Variants in BMS1 observed in about 807,000 individuals in gnomAD.
The protein encoded by BMS1 is BMS1 ribosome biogenesis factor.
BMS1 carries 53 observed loss-of-function variants against 138.7 expected under a neutral mutation model. The observed-to-expected ratio is 0.38, with a 90% CI of 0.31 to 0.48. The LOEUF (loss-of-function observed/expected upper bound fraction) is 0.48, where lower values mean the gene tolerates loss of function less well. Among genes scored for constraint, BMS1 ranks in the 20% least tolerant of loss-of-function variants. The pLI is 0.97. For missense variants in BMS1, 1,360 were observed against 1,565.5 expected (o/e 0.87, Z 2.22); for synonymous variants, 504 against 539.9 (o/e 0.93, Z 0.92).
At position 42,798,521 on chromosome 10, in the gene BMS1, T is replaced by C; in HGVS notation, c.2143T>C (p.Leu715=). ...TGATACTCTAGAAGAGCTTGGAGGG[T>C]TGTTTCGTGTCAACCAGCCTGACAG... is the stretch of plus-strand genomic sequence containing the variant. ...DDDTLEELGG[L]FRVNQPDREC... Residue 715 remains leucine (L), a synonymous_variant, in exon 12 of 23, where the codon TTG becomes CTG. Transcript: ENST00000374518. 1 of 1,614,080 alleles carries C rather than the reference T, an allele frequency of 6.2e-7. No individual in the cohort carries two copies. The highest frequency in any genetic ancestry group is 8.5e-7 in the Non-Finnish European group (1 of 1,180,006).
At chr10:42,820,912 CT>C in intron 17 of BMS1, 21 bp from the exon 18 acceptor site, 2 of 1,600,442 alleles carry the variant, frequency 1.2e-6, no homozygotes, top group Non-Finnish European at 1.7e-6. Flanking sequence ...CGCTATATTT[CT>C]TTTTTTCCTT....
chr10:42,786,589 CT>C (rs767043438), intron 3 of BMS1, among the ~76,000 whole-genome samples: 210 of 142,158 alleles, frequency 1.5e-3, no homozygotes, highest in Middle Eastern at 3.6e-3. Flanking sequence ...CTTTTTTTTC[CT>C]TTTTTTTTTT....
At position 42,790,543 on chromosome 10, in the gene BMS1, A is replaced by T. The variant is rs1423170918; in HGVS notation, c.636+32A>T. 4 of 1,605,914 alleles carry T rather than the reference A, an allele frequency of 2.5e-6. No homozygotes were observed. The South Asian group carries it at 4.4e-5, about 18-fold the overall frequency. The stretch of plus-strand genomic sequence containing the variant: ...AGAGAAATAATTGTTGGATACTAAC[A>T]GTATAATCCTTTTAAAATAGACTGA... On this transcript the variant is annotated intron_variant, in intron 5 of 22. Transcript: ENST00000374518.
intron 21 of BMS1, among the ~76,000 whole-genome samples, chr10:42,829,349 A>C (rs1842740145): frequency 6.6e-6 from 1 of 151,988 alleles, no homozygotes; most frequent in Non-Finnish European, 1.5e-5. Context: ...TTAAATATAG[A>C]ATTTAAGATT....
At chr10:42,793,343 C>A (rs146401097) in intron 8 of BMS1, among the ~76,000 whole-genome samples, 199 bp downstream of exon 8, 91 of 151,090 alleles carry the variant, frequency 6.0e-4, no homozygotes, top group Middle Eastern at 3.4e-3. Context: ...GCAGAAGAGT[C>A]CTCTCCTTCA....
At chr10:42,812,651 C>T (rs1470047843) in intron 13 of BMS1, among the ~76,000 whole-genome samples, 1 of 152,148 alleles carries the variant, frequency 6.6e-6, no homozygotes, top group Non-Finnish European at 1.5e-5. Flanking sequence ...GTCACATATA[C>T]CCACAGCTCA....
In BMS1 at chr10:42,793,933, C is replaced by T. The variant is rs941209859; in HGVS notation, c.1171C>T (p.Arg391Ter). ...STIDAKMASS[R>*]VTLFSDSKPL... ...CATTGATGCCAAGATGGCTTCAAGT[C>T]GAGTGACGCTGTTTTCTGATTCCAA... is the stretch of plus-strand genomic sequence containing the variant. Residue 391 changes from arginine (R) to a stop codon, truncating the protein, a stop_gained, in exon 9 of 23, where the codon CGA becomes TGA. Transcript: ENST00000374518. LOFTEE classifies it high-confidence loss of function. 1 of 1,611,472 alleles carries T rather than the reference C, an allele frequency of 6.2e-7. No homozygotes were observed. The highest frequency in any genetic ancestry group is 1.7e-5 in the Admixed American group (1 of 59,954).
At chr10:42,820,043 C>T (rs1330662199) in intron 15 of BMS1, among the ~76,000 whole-genome samples, 193 bp from the exon 16 acceptor site, 1 of 152,124 alleles carries the variant, frequency 6.6e-6, no homozygotes, top group African/African-American at 2.4e-5. Context: ...CTGCCCACCT[C>T]GGCCTCCCAA....
intron 21 of BMS1, among the ~76,000 whole-genome samples, chr10:42,830,019 T>C (rs1169077451): frequency 6.6e-6 from 1 of 152,050 alleles, no homozygotes; most frequent in Admixed American, 6.5e-5. Context: ...ATGGGCACAG[T>C]GGGTTTTGGG....
In BMS1 at chr10:42,796,405, A is replaced by G. The variant is rs1354489497; in HGVS notation, c.1230-69A>G. On this transcript the variant is annotated intron_variant, in intron 9 of 22. Coordinates refer to ENST00000374518, the MANE Select transcript of BMS1 (RefSeq NM_014753.4). Reference sequence around the variant, plus strand: ...CTATTTCTTTGTATTTTCATTGACTATATTGCCATTTCTAGATTAGCTGAT... The same window carrying G: ...CTATTTCTTTGTATTTTCATTGACTGTATTGCCATTTCTAGATTAGCTGAT... 5 of 1,452,688 alleles carry G rather than the reference A, an allele frequency of 3.4e-6. No homozygotes were observed. In the African/African-American group the frequency reaches 4.3e-5, roughly 12 times the overall value. The allele number at this position is 1,452,688 out of a possible 1,614,324, so 90.0% of individuals were successfully genotyped here. A position where few individuals can be genotyped will look rare whatever the true frequency, so the allele number is the denominator to read the frequency against.
intron 13 of BMS1, among the ~76,000 whole-genome samples, chr10:42,810,540 C>T (rs865959444): frequency 6.6e-6 from 1 of 152,078 alleles, no homozygotes; most frequent in African/African-American, 2.4e-5. Flanking sequence ...AAAGTGTCCC[C>T]TATTCTGTTT....
At chr10:42,815,203 A>G (rs1381737958) in intron 13 of BMS1, among the ~76,000 whole-genome samples, 1 of 152,198 alleles carries the variant, frequency 6.6e-6, no homozygotes, top group East Asian at 1.9e-4. Context: ...AAATGAGGAC[A>G]TATCATTATT....
At position 42,802,235 on chromosome 10, in the gene BMS1, G is replaced by T; in HGVS notation, c.2329+17G>T. ...CAGAAGATGGTAAGTAAAGAGCTGG[G>T]TTCTTCAGGAAGACTGGCTTCTCTA... On this transcript the variant is annotated intron_variant, in intron 13 of 22. Coordinates refer to ENST00000374518, the MANE Select transcript of BMS1 (RefSeq NM_014753.4). The T allele has an allele frequency of 6.2e-7, 1 of 1,608,496 alleles. No homozygotes were observed. The highest frequency in any genetic ancestry group is 8.5e-7 in the Non-Finnish European group (1 of 1,176,396).
chr10:42,814,380 G>A (rs191208086), intron 13 of BMS1, among the ~76,000 whole-genome samples: 1 of 151,722 alleles, frequency 6.6e-6, no homozygotes, highest in Non-Finnish European at 1.5e-5. Context: ...TTACTCAATA[G>A]AGCCCATCTA....
In BMS1 at chr10:42,798,454, G is replaced by A; in HGVS notation, c.2090-14G>A. 1 of 1,614,054 alleles carries A rather than the reference G, an allele frequency of 6.2e-7. No homozygotes were observed. Among genetic ancestry groups the A allele is most frequent in the African/African-American group, 1.3e-5 (1 of 75,026 alleles). On this transcript the variant is annotated splice_polypyrimidine_tract_variant and intron_variant, in intron 11 of 22. Coordinates refer to ENST00000374518, the MANE Select transcript of BMS1 (RefSeq NM_014753.4). ...ATTTTTGTTCTCACTTTTCTGCCAT[G>A]GTGTGCTCTTTAGTGACAGAAGATA...
At chr10:42,825,013 T>G (rs1281349933) in intron 21 of BMS1, among the ~76,000 whole-genome samples, 1 of 152,150 alleles carries the variant, frequency 6.6e-6, no homozygotes, top group Non-Finnish European at 1.5e-5. Context: ...TTTTCTTTTA[T>G]TTTCTTTTTT....
At chr10:42,798,697 A>G (rs1841774761) in intron 12 of BMS1, 72 bp downstream of exon 12, 2 of 1,572,428 alleles carry the variant, frequency 1.3e-6, no homozygotes, top group Admixed American at 1.7e-5. Context: ...ATCTGATGTC[A>G]ATATTGCTTA....
intron 1 of BMS1, among the ~76,000 whole-genome samples, chr10:42,783,269 T>C (rs1841214527): frequency 6.6e-6 from 1 of 152,166 alleles, no homozygotes. Context: ...CTCTCCTAAC[T>C]CCTGGCCAGT....
Position 42,830,276 on chromosome 10 carries a change from A to C in BMS1, c.3472A>C (p.Lys1158Gln), listed in dbSNP as rs1461079547. The change falls in exon 22 of 23, where the codon AAG becomes CAG. Residue 1158 changes from lysine to glutamine, a missense_variant. Lys to Gln is a moderately conservative substitution (Grantham distance 53, BLOSUM62 1). Transcript: ENST00000374518. ...TTCTTTTCAGCCAATCCTGAGGCAA[A>C]AGAAACATTTTAATTCACTGCACAT... ...DSLYKPILRQ[K>Q]KHFNSLHIPK... 6.2e-7 allele frequency: 1 copy of C among 1,612,698 alleles called. No individual in the cohort carries two copies. Among genetic ancestry groups the C allele is most frequent in the Non-Finnish European group, 8.5e-7 (1 of 1,179,758 alleles).
Sources: allele counts gnomAD v4.1 joint callset (sites outside exome capture counted in the v4.1 genomes callset), GRCh38; gene constraint gnomAD v4.1.1; transcripts MANE v1.5; gene names NCBI Gene and HGNC (gene_info 2026-07-23, HGNC 2026-07-21).